Variants in RNMT observed in about 807,000 individuals in gnomAD.
RNMT encodes the protein mRNA cap guanine-N(7) methyltransferase.
Under a neutral mutation model 56.0 loss-of-function variants are expected in RNMT, and 27 were observed. The observed-to-expected ratio is 0.48, with a 90% CI of 0.36 to 0.67. The LOEUF is 0.67. Ranked by LOEUF, RNMT falls within the 30% of genes least tolerant of loss-of-function variation. The pLI, the probability that RNMT is intolerant of heterozygous loss-of-function variation, is 0.00. For synonymous variants in RNMT, 184 were observed against 176.2 expected (o/e 1.04, Z -0.35); for missense variants, 519 against 552.1 (o/e 0.94, Z 0.60).
At chr18:13,746,711 C>G (rs920710593) in intron 9 of RNMT, among the ~76,000 whole-genome samples, 4 of 152,188 alleles carry the variant, frequency 2.6e-5, no homozygotes, top group Non-Finnish European at 5.9e-5. Context: ...TCCCCAGTTA[C>G]GATAACCAGA....
intron 9 of RNMT, among the ~76,000 whole-genome samples, chr18:13,749,312 A>C (rs1015499631): frequency 2.0e-5 from 3 of 152,240 alleles, no homozygotes; most frequent in African/African-American, 7.2e-5. Context: ...GTGGAATTAA[A>C]GTTCAAAAAA....
chr18:13,734,132 G>A (rs891249987), intron 3 of RNMT, among the ~76,000 whole-genome samples: 4 of 152,076 alleles, frequency 2.6e-5, no homozygotes, highest in East Asian at 1.9e-4. Context: ...CTTGCCTGCC[G>A]CCATGTAAGA....
intron 8 of RNMT, chr18:13,742,946 A>G (rs2044276464): frequency 4.6e-6 from 1 of 218,798 alleles, no homozygotes; most frequent in South Asian, 1.3e-4. Context: ...GTGGCACAAA[A>G]TGCCTGACAC....
intron 11 of RNMT, among the ~76,000 whole-genome samples, chr18:13,758,916 G>T (rs1157743207): frequency 1.3e-5 from 2 of 151,950 alleles, no homozygotes; most frequent in Non-Finnish European, 2.9e-5. Context: ...CAATATTGTT[G>T]TATCTCCAGG....
chr18:13,751,087 A>T (rs939926838), intron 9 of RNMT, among the ~76,000 whole-genome samples: 15 of 152,202 alleles, frequency 9.9e-5, no homozygotes, highest in Admixed American at 2.0e-4. Flanking sequence ...ACCAAAAGCA[A>T]TTGCAACAAA....
chr18:13,754,429 C>T (rs111365777), intron 11 of RNMT, among the ~76,000 whole-genome samples: 5 of 152,108 alleles, frequency 3.3e-5, no homozygotes, highest in African/African-American at 9.7e-5. Context: ...ATTCCTTGAG[C>T]CTGAGAAGTC....
chr18:13,734,105 C>T (rs760603195), intron 3 of RNMT, among the ~76,000 whole-genome samples: 1 of 152,178 alleles, frequency 6.6e-6, no homozygotes, highest in Non-Finnish European at 1.5e-5. Context: ...TCCCCTTTTA[C>T]TTGGCTCTCA....
chr18:13,761,982 C>A lies in RNMT; in HGVS notation c.*2003C>A, dbSNP rs968736060. 140 of 1,533,614 alleles carry A rather than the reference C, an allele frequency of 9.1e-5. 1 individual carries two copies. The highest frequency in any genetic ancestry group is 2.0e-4 in the South Asian group (17 of 83,858). Reference sequence around the variant, plus strand: ...CTCCGATCACCAAGGTGGAAGGGAGCTAGTAGGACTCTTCCTTGACACACC... The same window carrying A: ...CTCCGATCACCAAGGTGGAAGGGAGATAGTAGGACTCTTCCTTGACACACC... On this transcript the variant is annotated 3_prime_UTR_variant, in exon 12 of 12. Coordinates refer to ENST00000383314, the MANE Select transcript of RNMT (RefSeq NM_003799.3).
chr18:13,742,807 C>T, intron 8 of RNMT, 155 bp downstream of exon 8: 1 of 529,184 alleles, frequency 1.9e-6, no homozygotes, highest in Non-Finnish European at 3.1e-6. Flanking sequence ...AAAAAAAAAA[C>T]AAAACAAGAC....
Position 13,761,848 on chromosome 18 carries a change from C to CCCA in RNMT, c.*1870_*1871insCAC. ...TTCTTCCTCCACCACCCTACACCCC[C>CCCA]CTCCCCCCGGCCCCAAGCCCCTGTG... On this transcript the variant is annotated 3_prime_UTR_variant, in exon 12 of 12. Transcript: ENST00000383314. 8.5e-7 allele frequency: 1 copy of CCCA among 1,181,712 alleles called. No homozygotes were observed. Among genetic ancestry groups the CCCA allele is most frequent in the Non-Finnish European group, 1.1e-6 (1 of 950,072 alleles). 73.2% of individuals were successfully genotyped at this position (1,181,712 alleles called of 1,614,324 possible). A position where few individuals can be genotyped will look rare whatever the true frequency, so the allele number is the denominator to read the frequency against.
rs987109285 is a variant in RNMT, at chr18:13,762,902, G to A, written c.*2923G>A. 3 of 352,606 alleles carry A rather than the reference G, an allele frequency of 8.5e-6. No homozygotes were observed. Among genetic ancestry groups the A allele is most frequent in the African/African-American group, 2.1e-5 (1 of 46,868 alleles). The allele number at this position is 352,606 out of a possible 1,614,324, so 21.8% of individuals were successfully genotyped here. A position where few individuals can be genotyped will look rare whatever the true frequency, so the allele number is the denominator to read the frequency against. On this transcript the variant is annotated 3_prime_UTR_variant, in exon 12 of 12. Coordinates refer to ENST00000383314, the MANE Select transcript of RNMT (RefSeq NM_003799.3). ...CTACTTGTATAGGTCTGCCTGCAGG[G>A]TGAAAATGCCAGTGTGAATATTCTA... is the stretch of plus-strand genomic sequence containing the variant.
chr18:13,740,525 A>T (rs1353679849), intron 6 of RNMT, among the ~76,000 whole-genome samples: 2 of 152,116 alleles, frequency 1.3e-5, no homozygotes. Context: ...CTACAGGCAC[A>T]TGCCACCACA....
chr18:13,752,006 A>ATGT (rs1393637684), intron 9 of RNMT, among the ~76,000 whole-genome samples: 1 of 152,096 alleles, frequency 6.6e-6, no homozygotes, highest in Non-Finnish European at 1.5e-5. Context: ...GCATTAGGAG[A>ATGT]AATACCTAAT....
In RNMT at chr18:13,763,165, T is replaced by A; in HGVS notation, c.*3186T>A. ...GTGATGTTAGAACCTCCCTAGTTGC[T>A]GCTATATCAAACACTGCACACTTGA... On this transcript the variant is annotated 3_prime_UTR_variant, in exon 12 of 12. Coordinates refer to ENST00000383314, the MANE Select transcript of RNMT (RefSeq NM_003799.3). The A allele has an allele frequency of 2.2e-6, 1 of 455,944 alleles. No homozygotes were observed. The highest frequency in any genetic ancestry group is 3.3e-4 in the Middle Eastern group (1 of 3,070). The allele number at this position is 455,944 out of a possible 1,614,324, so 28.2% of individuals were successfully genotyped here. A position where few individuals can be genotyped will look rare whatever the true frequency, so the allele number is the denominator to read the frequency against.
chr18:13,739,304 G>A (rs563151088), intron 5 of RNMT, among the ~76,000 whole-genome samples: 1 of 152,084 alleles, frequency 6.6e-6, no homozygotes, highest in African/African-American at 2.4e-5. Context: ...AAAAGCCCAG[G>A]TTTAATAAAA....
chr18:13,736,020 G>C (rs929856846), intron 4 of RNMT, among the ~76,000 whole-genome samples: 9 of 151,984 alleles, frequency 5.9e-5, no homozygotes, highest in African/African-American at 2.2e-4. Context: ...TGTGATAAAG[G>C]CTTTTTTGAA....
Position 13,755,975 on chromosome 18 carries a change from C to T in RNMT, c.1393+1828C>T, listed in dbSNP as rs115379370. Among the ~76,000 whole-genome samples, 1,295 of 152,304 alleles carry T rather than the reference C, an allele frequency of 8.5e-3. 23 individuals are homozygous for T. The highest frequency in any genetic ancestry group is 0.03 in the African/African-American group (1,248 of 41,556). On this transcript the variant is annotated intron_variant, in intron 11 of 11. Transcript: ENST00000383314. ...CGAAGAGAGCAGTGGCCAAATTGCA[C>T]CTCGGGTGTAGCACCCCAGGATTGT... is the stretch of plus-strand genomic sequence containing the variant.
chr18:13,728,461 G>A (rs1434398092), intron 1 of RNMT, among the ~76,000 whole-genome samples: 5 of 151,106 alleles, frequency 3.3e-5, no homozygotes, highest in African/African-American at 4.9e-5. Context: ...TCAGCCTCCC[G>A]AGTAGCTGGG....
chr18:13,732,084 C>G, intron 3 of RNMT, 150 bp downstream of exon 3: 1 of 546,486 alleles, frequency 1.8e-6, no homozygotes, highest in Non-Finnish European at 3.0e-6. Context: ...GCTTTTAACT[C>G]TTATGATTTC....
Sources: allele counts gnomAD v4.1 joint callset (sites outside exome capture counted in the v4.1 genomes callset), GRCh38; gene constraint gnomAD v4.1.1; transcripts MANE v1.5; gene names NCBI Gene and HGNC (gene_info 2026-07-23, HGNC 2026-07-21).